The following SPAG17 variants were observed in gnomAD, a reference collection of about 807,000 sequenced individuals.
SPAG17 encodes sperm-associated antigen 17.
In SPAG17, 169 loss-of-function variants were observed where a neutral mutation model predicts 273.6. The ratio of observed to expected loss-of-function variants is 0.62; its 90% CI spans 0.55 to 0.70. The LOEUF is 0.70. Ranked by LOEUF, SPAG17 falls within the 30% of genes least tolerant of loss-of-function variation. SPAG17 has a pLI of 0.00. For synonymous variants in SPAG17, 825 were observed against 873.2 expected, an observed-to-expected ratio of 0.94 and a Z score of 0.97; for missense variants, 2,557 against 2,627.8, an observed-to-expected ratio of 0.97 and a Z score of 0.59.
At chr1:118,148,657 C>T (rs1345693054) in intron 3 of SPAG17, among the ~76,000 whole-genome samples, 2 of 152,192 alleles carry the variant, frequency 1.3e-5, no homozygotes, top group Non-Finnish European at 2.9e-5. Context: ...AGTCCCCACC[C>T]GACCCAGAAG....
chr1:117,994,118 C>T (rs1657403162), intron 35 of SPAG17, among the ~76,000 whole-genome samples: 1 of 152,076 alleles, frequency 6.6e-6, no homozygotes, highest in African/African-American at 2.4e-5. Context: ...GAGGTGTAAC[C>T]TGGCTTACTC....
intron 48 of SPAG17, chr1:117,960,478 G>GC (rs1179653613): frequency 2.0e-5 from 3 of 152,192 alleles, no homozygotes; most frequent in Non-Finnish European, 4.4e-5. Context: ...GGATTGGCAG[G>GC]CAACCACAGC....
chr1:118,135,578 G>T (rs550955220), intron 3 of SPAG17, among the ~76,000 whole-genome samples: 1 of 152,168 alleles, frequency 6.6e-6, no homozygotes, highest in South Asian at 2.1e-4. Flanking sequence ...GTTAATTTCT[G>T]ACCATTCACA....
intron 3 of SPAG17, among the ~76,000 whole-genome samples, chr1:118,141,191 G>A (rs924416641): frequency 1.3e-5 from 2 of 152,192 alleles, no homozygotes; most frequent in Non-Finnish European, 2.9e-5. Flanking sequence ...AGGCCAGGCA[G>A]TTATAACTAT....
rs141845079 is a variant in SPAG17 at position 118,142,558 on chromosome 1, G to A, written c.315+7985C>T. On this transcript the variant is annotated intron_variant, in intron 3 of 48. Coordinates refer to ENST00000336338, the MANE Select transcript of SPAG17 (RefSeq NM_206996.4). ...TCATGTTCTGATGTTGAATATTGCT[G>A]AGAATAGAAATTTTAAAAATAATAG... is the stretch of plus-strand genomic sequence containing the variant. Among the ~76,000 whole-genome samples, 312 of 152,210 alleles carry A rather than the reference G, an allele frequency of 2.0e-3. 6 individuals are homozygous for A. Among genetic ancestry groups the A allele is most frequent in the African/African-American group, 7.2e-3 (300 of 41,536 alleles).
intron 43 of SPAG17, among the ~76,000 whole-genome samples, 164 bp downstream of exon 43, chr1:117,981,106 C>T (rs935739943): frequency 2.0e-5 from 3 of 152,194 alleles, no homozygotes; most frequent in East Asian, 1.9e-4. Flanking sequence ...TGAGATACTT[C>T]GATGTGCTAA....
intron 8 of SPAG17, among the ~76,000 whole-genome samples, chr1:118,092,832 T>C (rs1655469449): frequency 6.6e-6 from 1 of 152,250 alleles, no homozygotes; most frequent in Non-Finnish European, 1.5e-5. Flanking sequence ...GTTTTCATTA[T>C]TGTATTGCCA....
chr1:118,148,114 A>G (rs559498886), intron 3 of SPAG17, among the ~76,000 whole-genome samples: 9 of 152,284 alleles, frequency 5.9e-5, no homozygotes, highest in African/African-American at 9.6e-5. Flanking sequence ...AATTTGTTAG[A>G]TTATCTTTTA....
rs1653903450 is a variant in SPAG17 at position 117,966,759 on chromosome 1, A to C, written c.6388-6T>G. ...GTCTGCATACCAGCTGCCACCTATA[A>C]GACACAAGGTAGCTTTAGGACCAGA... On this transcript the variant is annotated splice_region_variant and splice_polypyrimidine_tract_variant and intron_variant, in intron 46 of 48. Coordinates refer to ENST00000336338, the MANE Select transcript of SPAG17 (RefSeq NM_206996.4). 1.2e-6 allele frequency: 2 copies of C among 1,607,008 alleles called. No homozygotes were observed. The highest frequency in any genetic ancestry group is 1.7e-6 in the Non-Finnish European group (2 of 1,177,738).
chr1:117,971,258 G>T (rs1243925362), intron 45 of SPAG17, among the ~76,000 whole-genome samples: 1 of 152,140 alleles, frequency 6.6e-6, no homozygotes, highest in Admixed American at 6.5e-5. Flanking sequence ...ATGGTTTACC[G>T]ATCCAATGGA....
Position 118,005,417 on chromosome 1 carries a change from A to G in SPAG17, c.4773T>C (p.Phe1591=), listed in dbSNP as rs1386155541. The G allele has an allele frequency of 1.2e-6, 2 of 1,602,332 alleles. No individual in the cohort carries two copies. Among genetic ancestry groups the G allele is most frequent in the South Asian group, 1.1e-5 (1 of 88,034 alleles). ...CCATACCAAAGGTGCACTTTACCTG[A>G]AAAGTGTTTCCCTCAGGATCCAGAA... The part of the protein sequence containing the change: ...CEVLDPEGNT[F]QVMADGSIST... Residue 1591 remains phenylalanine, a synonymous_variant, in exon 32 of 49, where the codon TTT becomes TTC. Transcript: ENST00000336338.
At chr1:118,120,057 G>A (rs1657330875) in intron 3 of SPAG17, among the ~76,000 whole-genome samples, 1 of 152,080 alleles carries the variant, frequency 6.6e-6, no homozygotes, top group African/African-American at 2.4e-5. Flanking sequence ...TCTATGAAGT[G>A]CATGTGTGTT....
rs114106923 is a variant in SPAG17, at chr1:118,123,239, T to C, written c.316-7798A>G. Among the ~76,000 whole-genome samples the C allele has an allele frequency of 2.6e-5, 4 of 152,290 alleles. No individual in the cohort carries two copies. The South Asian group carries it at 8.3e-4, about 32-fold the overall frequency. ...TATTTAGGGCCAACTATATTGTAGT[T>C]ATTGCATTACTTGATCCTGTATGTG... On this transcript the variant is annotated intron_variant, in intron 3 of 48. Coordinates refer to ENST00000336338, the MANE Select transcript of SPAG17 (RefSeq NM_206996.4).
intron 3 of SPAG17, among the ~76,000 whole-genome samples, chr1:118,138,621 C>A (rs936571632): frequency 1.3e-5 from 2 of 152,056 alleles, no homozygotes; most frequent in Non-Finnish European, 2.9e-5. Flanking sequence ...CATATACAAA[C>A]CATTGTAGAA....
In SPAG17 at chr1:118,055,741, T is replaced by G. The variant is rs922417807; in HGVS notation, c.2714A>C (p.Glu905Ala). ...TTGAACTGGTTACTTACTTTTAGAT[T>G]CTTTAATGGAAAAAATTTTGCTAGC... Reference protein sequence around the residue: ...TSASKIFSIKESKSNKGISKT... With the variant: ...TSASKIFSIKASKSNKGISKT... Residue 905 changes from glutamate (E) to alanine (A), a missense_variant, in exon 19 of 49, where the codon GAA (glutamate) becomes GCA (alanine). Glu to Ala is a moderately radical substitution (Grantham distance 107). Transcript: ENST00000336338. 1.9e-6 allele frequency: 3 copies of G among 1,610,608 alleles called. No individual in the cohort carries two copies. In the African/African-American group the frequency reaches 4.0e-5, roughly 22 times the overall value.
intron 7 of SPAG17, among the ~76,000 whole-genome samples, chr1:118,096,320 G>A (rs532968038): frequency 6.6e-6 from 1 of 151,494 alleles, no homozygotes; most frequent in African/African-American, 2.4e-5. Flanking sequence ...AACAGTTCCA[G>A]GCTTTGATCT....
At chr1:118,021,109 G>A (rs1660455034) in intron 28 of SPAG17, among the ~76,000 whole-genome samples, 1 of 152,050 alleles carries the variant, frequency 6.6e-6, no homozygotes, top group African/African-American at 2.4e-5. Context: ...ATCTCAGCAG[G>A]AACAGTTGCT....
Position 118,016,084 on chromosome 1 carries a change from T to G in SPAG17, c.4168A>C (p.Ile1390Leu). Reference sequence around the variant, plus strand: ...GGTGTGGTTGTAAACCAGGTGCCTATGTGAACCTCCACAGGAGTTACAGTT... The same window carrying G: ...GGTGTGGTTGTAAACCAGGTGCCTAGGTGAACCTCCACAGGAGTTACAGTT... ...VQTVTPVEVHIGTWFTTTPEG... is the reference protein window; with the variant it reads ...VQTVTPVEVHLGTWFTTTPEG... Residue 1390 changes from isoleucine to leucine, a missense_variant, in exon 29 of 49, where the codon ATA (isoleucine) becomes CTA (leucine). By Grantham distance (5) the Ile-to-Leu change is conservative (BLOSUM62 2). Transcript: ENST00000336338. 1 of 1,614,100 alleles carries G rather than the reference T, an allele frequency of 6.2e-7. No individual in the cohort carries two copies. Among genetic ancestry groups the G allele is most frequent in the Non-Finnish European group, 8.5e-7 (1 of 1,179,964 alleles).
intron 48 of SPAG17, among the ~76,000 whole-genome samples, chr1:117,956,225 C>T (rs1652172573): frequency 6.6e-6 from 1 of 151,970 alleles, no homozygotes; most frequent in African/African-American, 2.4e-5. Context: ...GTCTGTAATC[C>T]CAACATTTTG....
Sources: gnomAD v4.1 joint callset for allele counts (sites outside exome capture counted in the v4.1 genomes callset) on GRCh38, gnomAD v4.1.1 for gene constraint, MANE v1.5 for transcripts, NCBI Gene and HGNC (gene_info 2026-07-23, HGNC 2026-07-21) for gene names.